Variants in NALCN observed in about 807,000 individuals in gnomAD.
NALCN encodes sodium leak channel NALCN.
A neutral mutation model predicts 225.3 loss-of-function variants in NALCN; 111 were observed. The ratio of observed to expected loss-of-function variants is 0.49; its 90% CI spans 0.42 to 0.58. The LOEUF is 0.58. NALCN is among the 20% of genes least tolerant of loss of function. The pLI, the probability that NALCN is intolerant of heterozygous loss-of-function variation, is 0.00. For missense variants in NALCN, 1,378 were observed against 2,202.4 expected (o/e 0.63, Z 7.49); for synonymous variants, 764 against 769.0 (o/e 0.99, Z 0.11).
intron 13 of NALCN, among the ~76,000 whole-genome samples, chr13:101,218,045 C>T (rs572430531): frequency 1.3e-5 from 2 of 152,236 alleles, no homozygotes; most frequent in South Asian, 4.1e-4. Flanking sequence ...TAACCAAAGC[C>T]AGTAATTTTA....
rs200423494 is a variant in NALCN, at chr13:101,355,049, T to C, written c.645-9629A>G. Among the ~76,000 whole-genome samples, 4 of 152,064 alleles carry C rather than the reference T, an allele frequency of 2.6e-5. No homozygotes were observed. The East Asian group carries it at 5.8e-4, about 22-fold the overall frequency. On this transcript the variant is annotated intron_variant, in intron 6 of 43. Coordinates refer to ENST00000251127, the MANE Select transcript of NALCN (RefSeq NM_052867.4). ...CAGGGGATCTGGTCATTTACAAGTG[T>C]AGGGCACCTCCCCTCCACTATCTCT...
intron 2 of NALCN, among the ~76,000 whole-genome samples, chr13:101,397,099 T>TACATAC (rs1383178831): frequency 1.5e-5 from 1 of 65,314 alleles, no homozygotes; most frequent in Non-Finnish European, 2.4e-5. Flanking sequence ...TATATATATA[T>TACATAC]ATATATATAT....
chr13:101,408,002 C>A (rs2047671184), intron 1 of NALCN, among the ~76,000 whole-genome samples: 1 of 152,114 alleles, frequency 6.6e-6, no homozygotes, highest in African/African-American at 2.4e-5. Context: ...CTCTGTTATT[C>A]TGATTTTACA....
chr13:101,340,321 GA>G (rs1230696451), intron 7 of NALCN, among the ~76,000 whole-genome samples: 1 of 152,040 alleles, frequency 6.6e-6, no homozygotes, highest in African/African-American at 2.4e-5. Context: ...CCTCTCCCTT[GA>G]ATAAGATACT....
chr13:101,069,535 C>T (rs2139446597), intron 37 of NALCN, among the ~76,000 whole-genome samples: 1 of 152,242 alleles, frequency 6.6e-6, no homozygotes, highest in South Asian at 2.1e-4. Flanking sequence ...GTGGTGGCTG[C>T]TGAAGGTTGG....
At chr13:101,167,490 T>C (rs757442486) in intron 15 of NALCN, among the ~76,000 whole-genome samples, 3 of 152,186 alleles carry the variant, frequency 2.0e-5, no homozygotes, top group Non-Finnish European at 4.4e-5. Flanking sequence ...AATTCCATCA[T>C]AAGTTGAGGA....
intron 40 of NALCN, among the ~76,000 whole-genome samples, chr13:101,063,366 C>CTGTT (rs368974449): frequency 2.0e-3 from 303 of 152,342 alleles, no homozygotes; most frequent in African/African-American, 7.1e-3. Context: ...TTTATCTTCA[C>CTGTT]TGTTTGTTTT....
At chr13:101,340,304 C>T (rs2045517024) in intron 7 of NALCN, among the ~76,000 whole-genome samples, 1 of 151,950 alleles carries the variant, frequency 6.6e-6, no homozygotes, top group South Asian at 2.1e-4. Context: ...GTGCCCCTGC[C>T]CCAATGCCTC....
At chr13:101,152,044 A>G (rs1001030452) in intron 15 of NALCN, among the ~76,000 whole-genome samples, 3 of 152,136 alleles carry the variant, frequency 2.0e-5, no homozygotes, top group African/African-American at 7.2e-5. Context: ...TTAAGTCACT[A>G]ATTTTTCCCC....
rs1366167253 is a variant in NALCN, at chr13:101,254,814, C to A, written c.1266+3629G>T. Among the ~76,000 whole-genome samples, 13 of 78,366 alleles carry A rather than the reference C, an allele frequency of 1.7e-4. 2 individuals are homozygous for A. The highest frequency in any genetic ancestry group is 1.3e-4 in the Non-Finnish European group (4 of 30,170). 51.4% of individuals were successfully genotyped at this position (78,366 alleles called of 152,430 possible). ...GCTGAGGCAGGAGAATGGCGTGAAC[C>A]CGGGAGGCGGAGCTTGCAGTGAGCC... On this transcript the variant is annotated intron_variant, in intron 11 of 43. Coordinates refer to ENST00000251127, the MANE Select transcript of NALCN (RefSeq NM_052867.4).
intron 6 of NALCN, among the ~76,000 whole-genome samples, chr13:101,355,339 G>T (rs1383135419): frequency 6.6e-6 from 1 of 150,656 alleles, no homozygotes; most frequent in Admixed American, 6.6e-5. Context: ...TCAAAATAAA[G>T]GGATGGAGGA....
intron 6 of NALCN, among the ~76,000 whole-genome samples, chr13:101,367,672 G>A (rs1933241): frequency 0.018 from 2,748 of 152,142 alleles, 80 homozygotes; most frequent in African/African-American, 0.062. Context: ...ATATAAATTA[G>A]TTTATCTTAT....
chr13:101,314,449 GA>G (rs900299176), intron 7 of NALCN, among the ~76,000 whole-genome samples: 3 of 152,164 alleles, frequency 2.0e-5, no homozygotes, highest in African/African-American at 7.2e-5. Context: ...ACTAATGTAG[GA>G]ATAGGTGGCA....
At chr13:101,197,773 T>G (rs2039949769) in intron 13 of NALCN, among the ~76,000 whole-genome samples, 1 of 152,056 alleles carries the variant, frequency 6.6e-6, no homozygotes, top group Non-Finnish European at 1.5e-5. Flanking sequence ...TGGGAAACTA[T>G]GAAGAAAAAT....
In NALCN at chr13:101,095,663, T is replaced by C. The variant is rs909311674; in HGVS notation, c.3180A>G (p.Ile1060Met). ...NIIRREDCNG[I>M]FRINVSVSKN... The stretch of plus-strand genomic sequence containing the variant: ...TTGACACACTGACATTAATTCTGAA[T>C]ATGCCATTGCAATCTTCCTAAAGTA... The change falls in exon 28 of 44, where the codon ATA (isoleucine) becomes ATG (methionine). Residue 1060 changes from isoleucine (I) to methionine (M), a missense_variant. Coordinates refer to ENST00000251127, the MANE Select transcript of NALCN (RefSeq NM_052867.4). 5 of 1,612,622 alleles carry C rather than the reference T, an allele frequency of 3.1e-6. No homozygotes were observed. Among genetic ancestry groups the C allele is most frequent in the South Asian group, 1.1e-5 (1 of 90,728 alleles).
chr13:101,171,231 T>C (rs2038698105), intron 15 of NALCN, among the ~76,000 whole-genome samples: 1 of 147,954 alleles, frequency 6.8e-6, no homozygotes, highest in South Asian at 2.1e-4. Flanking sequence ...TTATATACTG[T>C]TACATATATT....
At chr13:101,155,604 C>T (rs571263297) in intron 15 of NALCN, among the ~76,000 whole-genome samples, 1 of 152,214 alleles carries the variant, frequency 6.6e-6, no homozygotes, top group South Asian at 2.1e-4. Flanking sequence ...GTGATGTCTG[C>T]CAGGTTTCTG....
At chr13:101,103,374 A>T in intron 25 of NALCN, 35 bp from the exon 26 acceptor site, 27 of 1,576,256 alleles carry the variant, frequency 1.7e-5, no homozygotes, top group Non-Finnish European at 2.3e-5. Context: ...GAATTTATAC[A>T]ATTCATCCCC....
chr13:101,167,695 GGA>G, intron 15 of NALCN, among the ~76,000 whole-genome samples: 1 of 130,506 alleles, frequency 7.7e-6, no homozygotes, highest in Non-Finnish European at 1.8e-5. Context: ...AAAATTAGTT[GGA>G]TTTGGTGGTG....
Sources: gnomAD v4.1 joint callset for allele counts (sites outside exome capture counted in the v4.1 genomes callset) on GRCh38, gnomAD v4.1.1 for gene constraint, MANE v1.5 for transcripts, NCBI Gene and HGNC (gene_info 2026-07-23, HGNC 2026-07-21) for gene names.